Variants in IL31RA observed in about 807,000 individuals in gnomAD.
IL31RA encodes the protein interleukin-31 receptor subunit alpha.
IL31RA carries 66 observed loss-of-function variants against 83.7 expected under a neutral mutation model. The ratio of observed to expected loss-of-function variants is 0.79; its 90% CI spans 0.65 to 0.97. The LOEUF (loss-of-function observed/expected upper bound fraction) is 0.97. IL31RA is among the 50% of genes least tolerant of loss of function. The pLI, the probability that IL31RA is intolerant of heterozygous loss-of-function variation, is 0.00. For missense variants in IL31RA, 798 were observed against 919.4 expected (o/e 0.87, Z 1.71); for synonymous variants, 325 against 329.0 (o/e 0.99, Z 0.13).
At chr5:55,916,504 TGGCTACCACTTCTG>T in intron 14 of IL31RA, 126 bp from the exon 15 acceptor site, 1 of 747,468 alleles carries the variant, frequency 1.3e-6, no homozygotes, top group South Asian at 1.5e-5. Context: ...CAGAGAGGGT[TGGCTACCACTTCTG>T]GGCCTGGGAG....
intron 2 of IL31RA, among the ~76,000 whole-genome samples, chr5:55,867,054 T>C (rs1746095893): frequency 6.6e-6 from 1 of 152,154 alleles, no homozygotes; most frequent in Non-Finnish European, 1.5e-5. Flanking sequence ...TAGTCTAAAA[T>C]TGCTCTTAGT....
At chr5:55,886,990 T>G (rs1056794805) in intron 5 of IL31RA, among the ~76,000 whole-genome samples, 29 of 152,216 alleles carry the variant, frequency 1.9e-4, no homozygotes, top group Non-Finnish European at 3.1e-4. Context: ...ATTCTTCAAA[T>G]GCAGGGACCT....
At chr5:55,844,903 C>G in the IL31RA span, among the ~76,000 whole-genome samples, 1 of 152,152 alleles carries the variant, frequency 6.6e-6, no homozygotes, top group African/African-American at 2.4e-5. Flanking sequence ...ACCTGTGACC[C>G]CAATAAAGGC....
intron 2 of IL31RA, chr5:55,866,882 GTAGAGACTGCCTTCC>G (rs1457665193): frequency 6.6e-6 from 1 of 152,078 alleles, no homozygotes; most frequent in East Asian, 1.9e-4. Context: ...TTCTTGTCTG[GTAGAGACTGCCTTCC>G]TAGGAAGCGC....
chr5:55,898,635 TA>T (rs1485123084), intron 7 of IL31RA, among the ~76,000 whole-genome samples: 4,530 of 55,510 alleles, frequency 0.082, 299 homozygotes, highest in Non-Finnish European at 0.11. Context: ...ATATTAATGT[TA>T]TTTTAAAAAG....
chr5:55,853,817 T>C (rs1745200056), intron 1 of IL31RA, among the ~76,000 whole-genome samples: 3 of 152,192 alleles, frequency 2.0e-5, no homozygotes, highest in Admixed American at 1.3e-4. Flanking sequence ...AATGGATTTA[T>C]CTTTCAGGAA....
intron 2 of IL31RA, among the ~76,000 whole-genome samples, chr5:55,866,225 C>T (rs1746037739): frequency 6.6e-6 from 1 of 152,180 alleles, no homozygotes; most frequent in African/African-American, 2.4e-5. Flanking sequence ...AGGCCACCCT[C>T]TGCCAGCACA....
chr5:55,875,172 T>G (rs530876890), intron 4 of IL31RA, among the ~76,000 whole-genome samples: 1 of 152,354 alleles, frequency 6.6e-6, no homozygotes, highest in Non-Finnish European at 1.5e-5. Flanking sequence ...TTACATTGAC[T>G]GGTTTTCATA....
chr5:55,886,652 C>G (rs1212420985), intron 5 of IL31RA, among the ~76,000 whole-genome samples: 1 of 152,212 alleles, frequency 6.6e-6, no homozygotes, highest in Non-Finnish European at 1.5e-5. Context: ...TCCCAACCTT[C>G]TATCAAAGAT....
At chr5:55,908,819 C>T (rs1224367691) in intron 11 of IL31RA, 3 of 1,392,778 alleles carry the variant, frequency 2.2e-6, no homozygotes, top group Non-Finnish European at 2.8e-6. Flanking sequence ...TCCACCTTAT[C>T]TCCTGACATC....
intron 8 of IL31RA, among the ~76,000 whole-genome samples, chr5:55,901,432 A>G (rs1476596686): frequency 1.3e-5 from 2 of 152,150 alleles, no homozygotes; most frequent in African/African-American, 4.8e-5. Flanking sequence ...ACAAGATACC[A>G]TTAACCTTGG....
rs1259221490 is a variant in IL31RA, at chr5:55,867,077, ATGTGTGTTTGTGTG to A, written c.155-1693_155-1680del. On this transcript the variant is annotated intron_variant, in intron 2 of 14. Coordinates refer to ENST00000652347, the MANE Select transcript of IL31RA (RefSeq NM_139017.7). ...AATTGCTCTTAGTTCTTAGTTGTGC[ATGTGTGTTTGTGTG>A]TGTGTGTTTGTGTGTGTGTGCATGT... Among the ~76,000 whole-genome samples the A allele has an allele frequency of 3.4e-4, 42 of 124,154 alleles. 1 individual carries two copies. The highest frequency in any genetic ancestry group is 6.2e-4 in the African/African-American group (22 of 35,722). The allele number at this position is 124,154 out of a possible 152,430, so 81.4% of individuals were successfully genotyped here.
intron 8 of IL31RA, among the ~76,000 whole-genome samples, chr5:55,901,426 G>A (rs1169555409): frequency 6.6e-6 from 1 of 152,076 alleles, no homozygotes; most frequent in Non-Finnish European, 1.5e-5. Flanking sequence ...TCTTCCACAA[G>A]ATACCATTAA....
chr5:55,859,578 C>T lies in IL31RA; in HGVS notation c.133C>T (p.Leu45Phe). The T allele has an allele frequency of 1.9e-6, 3 of 1,612,000 alleles. No homozygotes were observed. Among genetic ancestry groups the T allele is most frequent in the Non-Finnish European group, 2.5e-6 (3 of 1,178,220 alleles). Residue 45 changes from leucine to phenylalanine, a missense_variant, in exon 2 of 15, where the codon CTC becomes TTC. Transcript: ENST00000652347. Reference sequence around the variant, plus strand: ...CTGGGCACTGTGGATGCTCCCCTCACTCTGCAAATTCAGCCTGGCAGGTAG... The same window carrying T: ...CTGGGCACTGTGGATGCTCCCCTCATTCTGCAAATTCAGCCTGGCAGGTAG... ...WTWALWMLPS[L>F]CKFSLAALPA...
Position 55,899,960 on chromosome 5 carries a change from C to G in IL31RA, c.897C>G (p.Asn299Lys). The change falls in exon 8 of 15, where the codon AAC becomes AAG. Residue 299 changes from asparagine (N) to lysine (K), a missense_variant. Transcript: ENST00000652347. Reference protein sequence around the residue: ...APVLEKTLGYNIWYYPESNTN... With the variant: ...APVLEKTLGYKIWYYPESNTN... Reference sequence around the variant, plus strand: ...TCCTAGAGAAAACACTTGGCTACAACATATGGTACTATCCAGAAAGCAACA... The same window carrying G: ...TCCTAGAGAAAACACTTGGCTACAAGATATGGTACTATCCAGAAAGCAACA... 1.2e-6 allele frequency: 2 copies of G among 1,614,194 alleles called. No individual in the cohort carries two copies. The highest frequency in any genetic ancestry group is 8.5e-7 in the Non-Finnish European group (1 of 1,180,022).
At chr5:55,852,057 A>G (rs750045516) in intron 1 of IL31RA, 30 of 269,304 alleles carry the variant, frequency 1.1e-4, no homozygotes, top group Non-Finnish European at 1.9e-4. Flanking sequence ...GCTGTTATGC[A>G]TGTAATAGGT....
At chr5:55,874,049 G>T (rs1203565860) in intron 4 of IL31RA, among the ~76,000 whole-genome samples, 1 of 151,922 alleles carries the variant, frequency 6.6e-6, no homozygotes, top group East Asian at 1.9e-4. Context: ...GATCCATTTT[G>T]AGTTAATTTT....
the IL31RA span, among the ~76,000 whole-genome samples, chr5:55,843,913 T>C: frequency 1.3e-5 from 2 of 152,218 alleles, no homozygotes; most frequent in Admixed American, 1.3e-4. Flanking sequence ...TAAAATGCAA[T>C]CTTCCTTCTG....
Position 55,890,268 on chromosome 5 carries a change from G to A in IL31RA, c.772+133G>A, listed in dbSNP as rs536153765. The A allele has an allele frequency of 6.8e-4, 555 of 810,342 alleles. 4 individuals carry two copies. The South Asian group carries it at 7.6e-3, about 11-fold the overall frequency. The allele number at this position is 810,342 out of a possible 1,614,324, so 50.2% of individuals were successfully genotyped here. On this transcript the variant is annotated intron_variant, in intron 6 of 14. Transcript: ENST00000652347. ...GACCCCAGGGGCCCCCTGTACCATC[G>A]AGAGTGAGCCTGCACAACTTTGTGC...
Sources: allele counts gnomAD v4.1 joint callset (sites outside exome capture counted in the v4.1 genomes callset), GRCh38; gene constraint gnomAD v4.1.1; transcripts MANE v1.5; gene names NCBI Gene and HGNC (gene_info 2026-07-23, HGNC 2026-07-21).